PLAAT1: variants seen among roughly 807,000 people sequenced by gnomAD.
The protein encoded by PLAAT1 is phospholipase A and acyltransferase 1.
A neutral mutation model predicts 16.4 loss-of-function variants in PLAAT1; 13 were observed. The ratio of observed to expected loss-of-function variants is 0.79; its 90% CI spans 0.52 to 1.26. PLAAT1 has a LOEUF of 1.26. Among genes scored for constraint, PLAAT1 ranks in the 50% most tolerant of loss-of-function variants. The probability of loss-of-function intolerance (pLI) is 0.00; values close to 1 mark genes in which losing one functional copy is unlikely to be tolerated. For synonymous variants in PLAAT1, 73 were observed against 78.4 expected, an observed-to-expected ratio of 0.93 and a Z score of 0.36; for missense variants, 218 against 207.8, an observed-to-expected ratio of 1.05 and a Z score of -0.30.
chr3:193,270,375 T>C (rs1473161426), intron 3 of PLAAT1, among the ~76,000 whole-genome samples: 1 of 152,228 alleles, frequency 6.6e-6, no homozygotes, highest in Non-Finnish European at 1.5e-5. Flanking sequence ...TTTAAAAATA[T>C]GAGGAATATA....
chr3:193,256,406 A>G (rs368278655), intron 2 of PLAAT1, among the ~76,000 whole-genome samples: 1 of 152,226 alleles, frequency 6.6e-6, no homozygotes. Flanking sequence ...AAAGAGGTAA[A>G]GAAACCGGTC....
At chr3:193,274,960 G>T, downstream of PLAAT1, 2 of 1,540,378 alleles carry the variant, frequency 1.3e-6, no homozygotes, top group South Asian at 2.5e-5. Flanking sequence ...AAAGGTAAGG[G>T]GAGAGTATCA....
At chr3:193,254,158 G>A (rs138887883) in intron 1 of PLAAT1, among the ~76,000 whole-genome samples, 5 of 152,280 alleles carry the variant, frequency 3.3e-5, no homozygotes, top group African/African-American at 1.2e-4. Context: ...TGTTTTAATA[G>A]TTGTTTTTCA....
intron 1 of PLAAT1, among the ~76,000 whole-genome samples, chr3:193,241,847 G>A (rs192074518): frequency 4.9e-4 from 75 of 152,312 alleles, no homozygotes; most frequent in South Asian, 4.1e-4. Context: ...AAAGTTGGAT[G>A]GTGATATTCC....
At chr3:193,252,957 C>T (rs1325842193) in intron 1 of PLAAT1, among the ~76,000 whole-genome samples, 1 of 152,054 alleles carries the variant, frequency 6.6e-6, no homozygotes, top group Non-Finnish European at 1.5e-5. Flanking sequence ...TCAATAGGAG[C>T]AGCAATGTGG....
intron 1 of PLAAT1, among the ~76,000 whole-genome samples, chr3:193,249,314 G>A (rs1716104797): frequency 6.6e-6 from 1 of 151,796 alleles, no homozygotes; most frequent in African/African-American, 2.4e-5. Context: ...TTAGATGTTT[G>A]TCAAGCTTCT....
In PLAAT1 at chr3:193,254,637, CA is replaced by C. The variant is rs1303913793; in HGVS notation, c.1-1011del. Among the ~76,000 whole-genome samples the C allele has an allele frequency of 4.6e-5, 7 of 152,130 alleles. No homozygotes were observed. The East Asian group carries it at 9.7e-4, about 21-fold the overall frequency. On this transcript the variant is annotated intron_variant, in intron 1 of 3. Transcript: ENST00000264735. The stretch of plus-strand genomic sequence containing the variant: ...AAAGTATTGACTTAAAAAAAATTAC[CA>C]AACTTAGAATTTCAAACATGTTCAT...
At chr3:193,242,953 G>C (rs1045442190) in intron 1 of PLAAT1, among the ~76,000 whole-genome samples, 6 of 152,196 alleles carry the variant, frequency 3.9e-5, no homozygotes, top group African/African-American at 1.2e-4. Context: ...TGCTCTTCGT[G>C]TTTCTGTAAC....
chr3:193,273,397 G>A (rs987148767), downstream of PLAAT1, among the ~76,000 whole-genome samples: 4 of 152,312 alleles, frequency 2.6e-5, no homozygotes, highest in East Asian at 7.7e-4. Context: ...CAAACAAAAT[G>A]TAAACACAGA....
chr3:193,271,783 G>A (rs1716989007), downstream of PLAAT1, among the ~76,000 whole-genome samples: 1 of 152,130 alleles, frequency 6.6e-6, no homozygotes, highest in South Asian at 2.1e-4. Context: ...AGTACATAAT[G>A]TAACTGAACA....
In PLAAT1 at chr3:193,255,765, T is replaced by G. The variant is rs137964301; in HGVS notation, c.115T>G (p.Tyr39Asp). The G allele has an allele frequency of 1.5e-4, 240 of 1,610,594 alleles. No homozygotes were observed. Among genetic ancestry groups the G allele is most frequent in the Non-Finnish European group, 1.9e-4 (227 of 1,178,074 alleles). ...QHWALYLGDG[Y>D]VINIAPVDGI... ...CTGGGCCCTGTACTTGGGTGATGGT[T>G]ACGTTATCAACATAGCACCTGTAGG... The change falls in exon 2 of 4, where the codon TAC becomes GAC. Residue 39 changes from tyrosine (Y) to aspartate (D), a missense_variant. Physicochemically the swap from Tyr to Asp is radical, Grantham distance 160. Coordinates refer to ENST00000264735, the MANE Select transcript of PLAAT1 (RefSeq NM_020386.5).
At chr3:193,245,614 T>C (rs184216194) in intron 1 of PLAAT1, among the ~76,000 whole-genome samples, 1 of 152,340 alleles carries the variant, frequency 6.6e-6, no homozygotes, top group Non-Finnish European at 1.5e-5. Context: ...GAAACTTCCA[T>C]ACTATTTTCC....
At chr3:193,254,993 G>A (rs911514277) in intron 1 of PLAAT1, among the ~76,000 whole-genome samples, 7 of 152,278 alleles carry the variant, frequency 4.6e-5, no homozygotes, top group Admixed American at 6.5e-5. Flanking sequence ...AAATGACAGA[G>A]TAGGTTTTGT....
At chr3:193,274,936 T>A, downstream of PLAAT1, 1 of 1,462,594 alleles carries the variant, frequency 6.8e-7, no homozygotes, top group Non-Finnish European at 9.3e-7. Context: ...TTTGAATGCT[T>A]GAATGGAGAG....
At chr3:193,245,290 T>A (rs1363797539) in intron 1 of PLAAT1, among the ~76,000 whole-genome samples, 1 of 152,234 alleles carries the variant, frequency 6.6e-6, no homozygotes, top group Non-Finnish European at 1.5e-5. Context: ...GAGATCATAC[T>A]GTATTTCTCT....
intron 2 of PLAAT1, among the ~76,000 whole-genome samples, chr3:193,259,557 A>C (rs1577306532): frequency 6.6e-6 from 1 of 152,312 alleles, no homozygotes; most frequent in South Asian, 2.1e-4. Context: ...GTGTACAAAA[A>C]TCAGTAGCAT....
At position 193,241,444 on chromosome 3, in the gene PLAAT1, G is replaced by T; in HGVS notation, c.-90G>T. ...TGGAGTCGTCCCGCGGCCGCCGGCGGCAAGGTCGGCAGCTGCGAGGCCAAG... is the reference window on the plus strand; with the variant it reads ...TGGAGTCGTCCCGCGGCCGCCGGCGTCAAGGTCGGCAGCTGCGAGGCCAAG... On this transcript the variant is annotated 5_prime_UTR_variant, in exon 1 of 4. Coordinates refer to ENST00000264735, the MANE Select transcript of PLAAT1 (RefSeq NM_020386.5). The T allele has an allele frequency of 1.6e-6, 2 of 1,231,864 alleles. No individual in the cohort carries two copies. The highest frequency in any genetic ancestry group is 2.0e-6 in the Non-Finnish European group (2 of 988,066). 76.3% of individuals were successfully genotyped at this position (1,231,864 alleles called of 1,614,324 possible).
At chr3:193,270,069 A>AATACATACACACAC (rs34199975) in intron 3 of PLAAT1, among the ~76,000 whole-genome samples, 1 of 147,878 alleles carries the variant, frequency 6.8e-6, no homozygotes, top group African/African-American at 2.5e-5. Flanking sequence ...ACATCCCTGA[A>AATACATACACACAC]ACACACACAC....
At chr3:193,241,986 C>T (rs1715774549) in intron 1 of PLAAT1, among the ~76,000 whole-genome samples, 1 of 152,192 alleles carries the variant, frequency 6.6e-6, no homozygotes, top group African/African-American at 2.4e-5. Context: ...GGCACTCTCA[C>T]CGGAGACTGA....
Sources: gnomAD v4.1 joint callset for allele counts (sites outside exome capture counted in the v4.1 genomes callset) on GRCh38, gnomAD v4.1.1 for gene constraint, MANE v1.5 for transcripts, NCBI Gene and HGNC (gene_info 2026-07-23, HGNC 2026-07-21) for gene names.